SORCS1: variants seen among roughly 807,000 people sequenced by gnomAD.
SORCS1 encodes the protein VPS10 domain-containing receptor SorCS1.
In SORCS1, 60 loss-of-function variants were observed where a neutral mutation model predicts 146.1. That is an observed-to-expected ratio of 0.41 (90% CI 0.33 to 0.51). The LOEUF (loss-of-function observed/expected upper bound fraction) is 0.51. Ranked by LOEUF, SORCS1 falls within the 20% of genes least tolerant of loss-of-function variation. The pLI, the probability that SORCS1 is intolerant of heterozygous loss-of-function variation, is 0.21. For missense variants in SORCS1, 1,352 were observed against 1,487.6 expected, an observed-to-expected ratio of 0.91 and a Z score of 1.50; for synonymous variants, 637 against 584.0, an observed-to-expected ratio of 1.09 and a Z score of -1.31.
chr10:106,978,452 T>C (rs1956124057), intron 1 of SORCS1, among the ~76,000 whole-genome samples: 1 of 152,194 alleles, frequency 6.6e-6, no homozygotes, highest in Admixed American at 6.5e-5. Flanking sequence ...ATACAAAGTT[T>C]AATCTGACAG....
At chr10:107,157,377 C>T (rs1342489734) in intron 1 of SORCS1, among the ~76,000 whole-genome samples, 1 of 152,212 alleles carries the variant, frequency 6.6e-6, no homozygotes, top group Non-Finnish European at 1.5e-5. Flanking sequence ...CTTCTTCTTC[C>T]ACTAACTGAC....
intron 1 of SORCS1, among the ~76,000 whole-genome samples, chr10:107,103,913 C>A (rs1372971805): frequency 6.6e-6 from 1 of 152,178 alleles, no homozygotes; most frequent in Non-Finnish European, 1.5e-5. Flanking sequence ...AACAGACCAT[C>A]ATTTCACTGT....
chr10:106,594,137 G>A (rs1845772131), intron 24 of SORCS1, among the ~76,000 whole-genome samples: 1 of 152,092 alleles, frequency 6.6e-6, no homozygotes, highest in African/African-American at 2.4e-5. Context: ...CAAGCCAGCT[G>A]GCCAAACCAG....
At chr10:106,967,302 C>G (rs1290855512) in intron 1 of SORCS1, among the ~76,000 whole-genome samples, 1 of 151,922 alleles carries the variant, frequency 6.6e-6, no homozygotes, top group Non-Finnish European at 1.5e-5. Flanking sequence ...ACTGCATATT[C>G]TTCTTCCTCT....
chr10:106,873,313 CAAA>C (rs72466113), intron 2 of SORCS1, among the ~76,000 whole-genome samples: 43 of 129,888 alleles, frequency 3.3e-4, no homozygotes, highest in Middle Eastern at 4.5e-3. Context: ...AACTCGGTCT[CAAA>C]AAAAAAAAAA....
intron 1 of SORCS1, among the ~76,000 whole-genome samples, chr10:107,031,133 CAAAA>C (rs111944202): frequency 6.6e-6 from 1 of 151,954 alleles, no homozygotes; most frequent in Non-Finnish European, 1.5e-5. Flanking sequence ...TAAAATTAGA[CAAAA>C]AAAGTCAGAA....
At chr10:106,701,945 C>G (rs1417527350) in intron 8 of SORCS1, among the ~76,000 whole-genome samples, 1 of 152,200 alleles carries the variant, frequency 6.6e-6, no homozygotes, top group Non-Finnish European at 1.5e-5. Flanking sequence ...TAAGTGAGCC[C>G]TTACATCCCT....
At chr10:106,906,298 A>C (rs1487456406) in intron 2 of SORCS1, among the ~76,000 whole-genome samples, 1 of 152,126 alleles carries the variant, frequency 6.6e-6, no homozygotes, top group African/African-American at 2.4e-5. Context: ...TATTTTTCGA[A>C]GAGACAGGAT....
chr10:107,029,427 C>T (rs944189249), intron 1 of SORCS1, among the ~76,000 whole-genome samples: 3 of 152,202 alleles, frequency 2.0e-5, no homozygotes, highest in African/African-American at 7.2e-5. Flanking sequence ...TTCTCATTCA[C>T]GCATTCAACT....
chr10:106,739,307 GA>G, intron 5 of SORCS1, among the ~76,000 whole-genome samples: 1 of 151,512 alleles, frequency 6.6e-6, no homozygotes, highest in Non-Finnish European at 1.5e-5. Flanking sequence ...CCAACATGGT[GA>G]AACCTCATCT....
chr10:106,953,521 A>G (rs1429147615), intron 2 of SORCS1, among the ~76,000 whole-genome samples: 1 of 116,826 alleles, frequency 8.6e-6, no homozygotes, highest in Admixed American at 8.1e-5. Context: ...AAGGCTGACT[A>G]TATGTATATA....
intron 25 of SORCS1, 155 bp from the exon 26 acceptor site, chr10:106,577,710 C>A: frequency 2.2e-6 from 3 of 1,390,464 alleles, no homozygotes; most frequent in Non-Finnish European, 2.8e-6. Context: ...TACGGAAATG[C>A]GACTGAGAAC....
chr10:106,811,572 C>A (rs760040247), intron 3 of SORCS1, among the ~76,000 whole-genome samples: 1 of 152,106 alleles, frequency 6.6e-6, no homozygotes, highest in Non-Finnish European at 1.5e-5. Flanking sequence ...TATATGCGGA[C>A]GTTTAAGAAC....
chr10:106,780,917 T>C (rs1301315913), intron 3 of SORCS1, among the ~76,000 whole-genome samples: 1 of 151,766 alleles, frequency 6.6e-6, no homozygotes, highest in Non-Finnish European at 1.5e-5. Context: ...TATTTGCTTT[T>C]CCTAGAGTAG....
intron 1 of SORCS1, among the ~76,000 whole-genome samples, chr10:107,072,990 C>T (rs1335432505): frequency 2.0e-5 from 3 of 152,178 alleles, no homozygotes; most frequent in African/African-American, 7.2e-5. Flanking sequence ...TACTAGAGTT[C>T]ACTGGGCTAG....
At chr10:106,700,798 A>G (rs544447760) in intron 8 of SORCS1, among the ~76,000 whole-genome samples, 2 of 152,334 alleles carry the variant, frequency 1.3e-5, no homozygotes, top group African/African-American at 4.8e-5. Flanking sequence ...AAAGGGCTTT[A>G]TATTCCTCAC....
At position 106,963,110 on chromosome 10, in the gene SORCS1, A is replaced by ATTTTTTTTC. The variant is rs1554896743; in HGVS notation, c.559-6531_559-6530insGAAAAAAAA. 6.6e-5 allele frequency among the ~76,000 whole-genome samples: 5 copies of ATTTTTTTTC among 76,296 alleles called. 1 individual carries two copies. In the East Asian group the frequency reaches 2.2e-3, roughly 33 times the overall value. 50.1% of individuals were successfully genotyped at this position (76,296 alleles called of 152,430 possible). On this transcript the variant is annotated intron_variant, in intron 1 of 25. Coordinates refer to ENST00000263054, the MANE Select transcript of SORCS1 (RefSeq NM_052918.5). Reference sequence around the variant, plus strand: ...AAGAGAGCAGTGTTCAATGGCCAGAATTTTTTTTTTTTTTTTTTTTTTTTT... The same window carrying ATTTTTTTTC: ...AAGAGAGCAGTGTTCAATGGCCAGAATTTTTTTTCTTTTTTTTTTTTTTTTTTTTTTTTT...
At chr10:107,080,840 T>A (rs1963276042) in intron 1 of SORCS1, among the ~76,000 whole-genome samples, 1 of 152,210 alleles carries the variant, frequency 6.6e-6, no homozygotes, top group Non-Finnish European at 1.5e-5. Flanking sequence ...TATAGGAAAC[T>A]CAAAAGGCAC....
chr10:107,049,918 G>C (rs1003335732), intron 1 of SORCS1, among the ~76,000 whole-genome samples: 5 of 152,176 alleles, frequency 3.3e-5, no homozygotes, highest in African/African-American at 1.2e-4. Context: ...TGTGAAGAGA[G>C]AATAATTATT....
Sources: allele counts gnomAD v4.1 joint callset (sites outside exome capture counted in the v4.1 genomes callset), GRCh38; gene constraint gnomAD v4.1.1; transcripts MANE v1.5; gene names NCBI Gene and HGNC (gene_info 2026-07-23, HGNC 2026-07-21).